Variants in SRPK2 observed in about 807,000 individuals in gnomAD.
The protein encoded by SRPK2 is SRSF protein kinase 2.
In SRPK2, 21 loss-of-function variants were observed where a neutral mutation model predicts 90.8. The observed-to-expected ratio is 0.23, with a 90% confidence interval of 0.16 to 0.33. The LOEUF is 0.33. Among genes scored for constraint, SRPK2 ranks in the 10% least tolerant of loss-of-function variants. The pLI is 1.00. For synonymous variants in SRPK2, 288 were observed against 311.1 expected, an observed-to-expected ratio of 0.93 and a Z score of 0.78; for missense variants, 620 against 869.0, an observed-to-expected ratio of 0.71 and a Z score of 3.60.
intron 4 of SRPK2, 80 bp downstream of exon 4, chr7:105,169,077 G>T: frequency 8.1e-7 from 1 of 1,236,336 alleles, no homozygotes; most frequent in Non-Finnish European, 1.2e-6. Flanking sequence ...AAGCAGTGGT[G>T]ACCCTCAGCC....
intron 6 of SRPK2, among the ~76,000 whole-genome samples, chr7:105,164,860 C>T (rs75499693): frequency 0.013 from 1,934 of 152,170 alleles, 21 homozygotes; most frequent in Non-Finnish European, 0.02. Flanking sequence ...GGATCTGTTC[C>T]AAACATGATA....
intron 2 of SRPK2, among the ~76,000 whole-genome samples, chr7:105,385,247 C>T (rs1821422909): frequency 7.2e-6 from 1 of 138,608 alleles, no homozygotes; most frequent in Non-Finnish European, 1.5e-5. Context: ...GTGGCACAAT[C>T]CCGGCTCACT....
intron 2 of SRPK2, among the ~76,000 whole-genome samples, chr7:105,290,415 T>C (rs1042949590): frequency 6.6e-6 from 1 of 152,212 alleles, no homozygotes; most frequent in Non-Finnish European, 1.5e-5. Flanking sequence ...GGAGGATCAC[T>C]TGAGCCCAGG....
At chr7:105,354,377 T>A (rs1817553981) in intron 2 of SRPK2, among the ~76,000 whole-genome samples, 1 of 152,188 alleles carries the variant, frequency 6.6e-6, no homozygotes, top group African/African-American at 2.4e-5. Flanking sequence ...TCAGAGATGC[T>A]TTTTTCCTCC....
At chr7:105,383,096 G>T (rs1312865111) in intron 2 of SRPK2, among the ~76,000 whole-genome samples, 1 of 111,140 alleles carries the variant, frequency 9.0e-6, no homozygotes, top group Non-Finnish European at 1.7e-5. Flanking sequence ...ACAGAGTCTC[G>T]CTCTATCGCC....
intron 2 of SRPK2, among the ~76,000 whole-genome samples, chr7:105,330,398 G>GT (rs966523284): frequency 8.6e-5 from 13 of 151,526 alleles, no homozygotes; most frequent in African/African-American, 2.7e-4. Flanking sequence ...AATAAAACCA[G>GT]TAACAACATA....
chr7:105,122,520 T>C (rs1475997815), intron 15 of SRPK2, among the ~76,000 whole-genome samples: 1 of 152,154 alleles, frequency 6.6e-6, no homozygotes, highest in Non-Finnish European at 1.5e-5. Context: ...CGAAAGAGCT[T>C]TCTTTGCTCT....
intron 2 of SRPK2, among the ~76,000 whole-genome samples, chr7:105,328,228 G>A (rs1445019350): frequency 1.3e-5 from 2 of 152,176 alleles, no homozygotes; most frequent in Non-Finnish European, 2.9e-5. Flanking sequence ...CAGAGTGGAA[G>A]GAGTGATAAA....
At chr7:105,277,870 G>A (rs991728988) in intron 2 of SRPK2, among the ~76,000 whole-genome samples, 3 of 152,112 alleles carry the variant, frequency 2.0e-5, no homozygotes, top group Non-Finnish European at 2.9e-5. Context: ...TGCAAAGGAT[G>A]AAAAAAGTGA....
At chr7:105,238,869 C>T (rs1052947200) in intron 2 of SRPK2, among the ~76,000 whole-genome samples, 2 of 152,126 alleles carry the variant, frequency 1.3e-5, no homozygotes, top group Non-Finnish European at 2.9e-5. Flanking sequence ...CCCACGACCA[C>T]TTTGGAGCAC....
downstream of SRPK2, chr7:105,115,181 CAAGTT>C (rs1384878506): frequency 6.6e-6 from 1 of 152,048 alleles, no homozygotes; most frequent in African/African-American, 2.4e-5. Context: ...AAATTTCATT[CAAGTT>C]ATTTAAAAGG....
At chr7:105,329,872 A>G (rs1814076364) in intron 2 of SRPK2, among the ~76,000 whole-genome samples, 1 of 151,698 alleles carries the variant, frequency 6.6e-6, no homozygotes, top group Non-Finnish European at 1.5e-5. Flanking sequence ...TCTACTAAAA[A>G]AAAAATACAA....
chr7:105,120,900 C>G (rs1800250877), intron 15 of SRPK2, among the ~76,000 whole-genome samples: 1 of 152,148 alleles, frequency 6.6e-6, no homozygotes, highest in African/African-American at 2.4e-5. Flanking sequence ...GGTCTCGAGT[C>G]CATGAGCCAG....
intron 3 of SRPK2, among the ~76,000 whole-genome samples, chr7:105,173,949 A>G (rs1288718067): frequency 1.3e-5 from 2 of 149,802 alleles, no homozygotes; most frequent in Non-Finnish European, 3.0e-5. Flanking sequence ...TGGCTGCTTA[A>G]AAAAACAAAT....
intron 2 of SRPK2, among the ~76,000 whole-genome samples, chr7:105,247,531 A>AACACACAAACACACACAC: frequency 6.9e-6 from 1 of 145,266 alleles, no homozygotes; most frequent in South Asian, 2.3e-4. Flanking sequence ...CACACACATA[A>AACACACAAACACACACAC]ACACACACAC....
intron 2 of SRPK2, among the ~76,000 whole-genome samples, chr7:105,294,373 T>A (rs1043426049): frequency 6.6e-6 from 1 of 152,168 alleles, no homozygotes; most frequent in African/African-American, 2.4e-5. Context: ...TCGATCCAGT[T>A]CCCTAAACCG....
intron 2 of SRPK2, among the ~76,000 whole-genome samples, chr7:105,254,767 G>C (rs1803012732): frequency 4.6e-5 from 7 of 152,016 alleles, no homozygotes; most frequent in Admixed American, 4.6e-4. Flanking sequence ...TTGGCTCGCT[G>C]TAGCCTTTGC....
At chr7:105,354,097 G>A (rs969192293) in intron 2 of SRPK2, among the ~76,000 whole-genome samples, 4 of 152,224 alleles carry the variant, frequency 2.6e-5, no homozygotes, top group Non-Finnish European at 5.9e-5. Context: ...CAGCCAGTAT[G>A]TATGTGGCTG....
chr7:105,324,804 T>C (rs1328183888), intron 2 of SRPK2, among the ~76,000 whole-genome samples: 1 of 152,136 alleles, frequency 6.6e-6, no homozygotes, highest in African/African-American at 2.4e-5. Flanking sequence ...GCAGAATTGC[T>C]TGAGCCACGG....
Sources: allele counts gnomAD v4.1 joint callset (sites outside exome capture counted in the v4.1 genomes callset), GRCh38; gene constraint gnomAD v4.1.1; transcripts MANE v1.5; gene names NCBI Gene and HGNC (gene_info 2026-07-23, HGNC 2026-07-21).